The following PLEKHG1 variants were observed in gnomAD, a reference collection of about 807,000 sequenced individuals.
PLEKHG1 encodes pleckstrin homology and RhoGEF domain containing G1, also known as pleckstrin homology domain-containing family G member 1.
Under a neutral mutation model 100.8 loss-of-function variants are expected in PLEKHG1, and 44 were observed. That is an observed-to-expected ratio of 0.44 (90% CI 0.34 to 0.56). The LOEUF (loss-of-function observed/expected upper bound fraction) is 0.56, where lower values mean the gene tolerates loss of function less well. Among genes scored for constraint, PLEKHG1 ranks in the 20% least tolerant of loss-of-function variants. The probability of loss-of-function intolerance (pLI) is 0.01; values close to 1 mark genes in which losing one functional copy is unlikely to be tolerated. For synonymous variants in PLEKHG1, 640 were observed against 662.5 expected (o/e 0.97, Z 0.52); for missense variants, 1,545 against 1,720.9 (o/e 0.90, Z 1.81).
At chr6:150,675,738 C>T (rs1020816487) in intron 3 of PLEKHG1, among the ~76,000 whole-genome samples, 8 of 152,312 alleles carry the variant, frequency 5.3e-5, no homozygotes, top group East Asian at 1.9e-4. Context: ...CCACCTGCCT[C>T]GGCTTCCCGA....
chr6:150,801,603 A>G (rs1583158849), intron 6 of PLEKHG1, among the ~76,000 whole-genome samples: 2 of 151,466 alleles, frequency 1.3e-5, no homozygotes, highest in Non-Finnish European at 2.9e-5. Context: ...ATGCCTGGCT[A>G]ATTTTTTTGT....
At chr6:150,802,347 G>T (rs181384493) in intron 6 of PLEKHG1, among the ~76,000 whole-genome samples, 3 of 152,180 alleles carry the variant, frequency 2.0e-5, no homozygotes, top group Admixed American at 1.3e-4. Context: ...TTTGTCTCAG[G>T]ACACATCTCT....
chr6:150,730,854 A>C (rs1583018960), intron 1 of PLEKHG1, among the ~76,000 whole-genome samples: 1 of 151,962 alleles, frequency 6.6e-6, no homozygotes, highest in Non-Finnish European at 1.5e-5. Flanking sequence ...ATGAGCTGAG[A>C]TCATACCATT....
At chr6:150,821,752 T>G (rs960904226) in intron 13 of PLEKHG1, among the ~76,000 whole-genome samples, 2 of 151,998 alleles carry the variant, frequency 1.3e-5, no homozygotes, top group Non-Finnish European at 2.9e-5. Flanking sequence ...TGTAATATAT[T>G]TGACAGGCAT....
chr6:150,757,473 A>G (rs780188044), intron 2 of PLEKHG1, among the ~76,000 whole-genome samples: 2 of 152,214 alleles, frequency 1.3e-5, no homozygotes, highest in Non-Finnish European at 2.9e-5. Context: ...CTTTTAAGCC[A>G]TCAGTGTATT....
rs75786085 is a variant in PLEKHG1, at chr6:150,746,069, G to A, written c.411+11977G>A. 1.4e-3 allele frequency among the ~76,000 whole-genome samples: 214 copies of A among 152,264 alleles called. 7 individuals carry two copies. The East Asian group carries it at 0.036, about 26-fold the overall frequency. On this transcript the variant is annotated intron_variant, in intron 2 of 15. Transcript: ENST00000358517. ...GTCAACGGGGAGGGTCACCTGCCAC[G>A]GGCTGGGAGTTGACAGACTGATGTG...
At chr6:150,619,134 G>C (rs1212415464) in intron 1 of PLEKHG1, among the ~76,000 whole-genome samples, 1 of 151,150 alleles carries the variant, frequency 6.6e-6, no homozygotes, top group Non-Finnish European at 1.5e-5. Flanking sequence ...ACAGATCCTG[G>C]ACAATTTGAC....
At chr6:150,723,094 A>C (rs534599301) in intron 1 of PLEKHG1, among the ~76,000 whole-genome samples, 1 of 152,326 alleles carries the variant, frequency 6.6e-6, no homozygotes, top group African/African-American at 2.4e-5. Flanking sequence ...CCAGCTGGGA[A>C]GAGGCCGTGC....
At chr6:150,719,362 G>GCTGT (rs763395694), upstream of PLEKHG1, among the ~76,000 whole-genome samples, 2 of 152,158 alleles carry the variant, frequency 1.3e-5, no homozygotes, top group Non-Finnish European at 2.9e-5. Context: ...GTGATCTGAG[G>GCTGT]CTGTGCACGA....
intron 1 of PLEKHG1, among the ~76,000 whole-genome samples, chr6:150,603,455 T>C (rs1388722519): frequency 2.0e-5 from 3 of 152,178 alleles, no homozygotes; most frequent in African/African-American, 7.2e-5. Flanking sequence ...TGAAAAGCAA[T>C]AAATGCTTTA....
chr6:150,702,557 G>GGTGGGTGTGTGTGTGT (rs1554261635), intron 3 of PLEKHG1, among the ~76,000 whole-genome samples: 36 of 142,916 alleles, frequency 2.5e-4, no homozygotes, highest in African/African-American at 9.6e-4. Context: ...TTTGTTTTGG[G>GGTGGGTGTGTGTGTGT]GTGTGTGTGT....
rs575216321 is a variant in PLEKHG1, at chr6:150,740,620, G to A, written c.411+6528G>A. On this transcript the variant is annotated intron_variant, in intron 2 of 15. Transcript: ENST00000358517. Reference sequence around the variant, plus strand: ...GTTCCATGCTCAAGCGTAGGAGTTGGTAGGGATTGTTTTAAATGAAGGCTC... The same window carrying A: ...GTTCCATGCTCAAGCGTAGGAGTTGATAGGGATTGTTTTAAATGAAGGCTC... Among the ~76,000 whole-genome samples the A allele has an allele frequency of 1.8e-4, 27 of 152,296 alleles. No homozygotes were observed. In the East Asian group the frequency reaches 4.8e-3, roughly 27 times the overall value.
At chr6:150,764,584 G>A (rs1041318747) in intron 2 of PLEKHG1, among the ~76,000 whole-genome samples, 1 of 152,204 alleles carries the variant, frequency 6.6e-6, no homozygotes, top group African/African-American at 2.4e-5. Flanking sequence ...TTAGGCGCAC[G>A]CCCTGCTCTG....
At chr6:150,795,763 C>A in intron 4 of PLEKHG1, 93 bp from the exon 6 acceptor site, 1 of 691,866 alleles carries the variant, frequency 1.4e-6, no homozygotes, top group Non-Finnish European at 2.5e-6. Context: ...ATATAAATGT[C>A]AAGGCCCGAA....
chr6:150,771,443 A>G (rs549986226), intron 3 of PLEKHG1, among the ~76,000 whole-genome samples: 16 of 151,988 alleles, frequency 1.1e-4, no homozygotes, highest in Admixed American at 5.9e-4. Context: ...GAATGAATGA[A>G]CGAACGAACG....
intron 3 of PLEKHG1, among the ~76,000 whole-genome samples, chr6:150,703,332 C>A (rs1465910487): frequency 6.6e-6 from 1 of 152,052 alleles, no homozygotes; most frequent in African/African-American, 2.4e-5. Flanking sequence ...TCTGGCTGGG[C>A]ATGGTGGCCT....
At chr6:150,722,161 TTA>T (rs1427455829) in intron 1 of PLEKHG1, among the ~76,000 whole-genome samples, 2 of 152,054 alleles carry the variant, frequency 1.3e-5, no homozygotes, top group Non-Finnish European at 2.9e-5. Context: ...TAGGATCGTA[TTA>T]TATGTTTTTT....
At chr6:150,732,496 T>C (rs1383619253) in intron 1 of PLEKHG1, among the ~76,000 whole-genome samples, 1 of 152,226 alleles carries the variant, frequency 6.6e-6, no homozygotes, top group African/African-American at 2.4e-5. Flanking sequence ...TGAGACATGT[T>C]GTCGGGCAAC....
chr6:150,606,497 T>C (rs930952644), intron 1 of PLEKHG1, among the ~76,000 whole-genome samples: 1 of 152,130 alleles, frequency 6.6e-6, no homozygotes, highest in Non-Finnish European at 1.5e-5. Flanking sequence ...CTTTTCACAC[T>C]CCAAGCAGGG....
Sources: allele counts gnomAD v4.1 joint callset (sites outside exome capture counted in the v4.1 genomes callset), GRCh38; gene constraint gnomAD v4.1.1; transcripts MANE v1.5; gene names NCBI Gene and HGNC (gene_info 2026-07-23, HGNC 2026-07-21).